TLN2: variants seen among roughly 807,000 people sequenced by gnomAD.
TLN2 encodes the protein talin 2.
TLN2 carries 118 observed loss-of-function variants against 294.7 expected under a neutral mutation model. The observed-to-expected ratio is 0.40, with a 90% CI of 0.34 to 0.47. The LOEUF is 0.47. TLN2 is among the 20% of genes least tolerant of loss of function. The pLI, the probability that TLN2 is intolerant of heterozygous loss-of-function variation, is 0.84. For missense variants in TLN2, 3,083 were observed against 3,282.2 expected, an observed-to-expected ratio of 0.94 and a Z score of 1.48; for synonymous variants, 1,431 against 1,304.5, an observed-to-expected ratio of 1.10 and a Z score of -2.09.
intron 57 of TLN2, among the ~76,000 whole-genome samples, chr15:62,837,138 A>T (rs188529355): frequency 1.3e-5 from 2 of 152,334 alleles, no homozygotes; most frequent in East Asian, 3.9e-4. Context: ...AAATGGCAGA[A>T]ATCTCAGAAT....
chr15:62,399,276 A>AAAAAAAAAAAAAAG, intron 1 of TLN2, among the ~76,000 whole-genome samples: 2 of 150,930 alleles, frequency 1.3e-5, no homozygotes, highest in South Asian at 2.1e-4. Flanking sequence ...AAAAAAAAAA[A>AAAAAAAAAAAAAAG]AAAAAAAAAG....
chr15:62,667,159 G>T lies in TLN2; in HGVS notation c.789-6668G>T, dbSNP rs1010756413. Among the ~76,000 whole-genome samples the T allele has an allele frequency of 7.2e-5, 11 of 152,014 alleles. No individual in the cohort carries two copies. In the South Asian group the frequency reaches 8.3e-4, roughly 11 times the overall value. On this transcript the variant is annotated intron_variant, in intron 9 of 58. Coordinates refer to ENST00000636159, the MANE Select transcript of TLN2 (RefSeq NM_015059.3). ...TTTTTGTATTTTTTAGTAGAGACGG[G>T]GTTTCACCATGTTAGCCAGGATGGT...
chr15:62,703,619 A>G (rs972114441), intron 19 of TLN2, among the ~76,000 whole-genome samples: 90 of 106,974 alleles, frequency 8.4e-4, no homozygotes, highest in South Asian at 2.9e-3. Flanking sequence ...ACACACACAC[A>G]CACGCGCGCA....
chr15:62,659,916 C>T (rs1204170078), intron 9 of TLN2, among the ~76,000 whole-genome samples: 1 of 152,192 alleles, frequency 6.6e-6, no homozygotes, highest in East Asian at 1.9e-4. Flanking sequence ...AGCGAGGCCA[C>T]ATTTTGCTGA....
At chr15:62,559,356 T>C (rs553544836) in intron 1 of TLN2, among the ~76,000 whole-genome samples, 3 of 152,188 alleles carry the variant, frequency 2.0e-5, no homozygotes, top group Non-Finnish European at 2.9e-5. Flanking sequence ...AGAGGAATTG[T>C]GGTAAGGAAG....
At chr15:62,710,485 G>GT (rs1687984374) in intron 21 of TLN2, among the ~76,000 whole-genome samples, 1 of 152,080 alleles carries the variant, frequency 6.6e-6, no homozygotes, top group Non-Finnish European at 1.5e-5. Context: ...TGAATTTGTT[G>GT]TTGTTTGTTT....
chr15:62,628,997 G>A (rs1015279619), intron 3 of TLN2, among the ~76,000 whole-genome samples: 2 of 152,174 alleles, frequency 1.3e-5, no homozygotes, highest in African/African-American at 2.4e-5. Flanking sequence ...AGGAGTTTGC[G>A]ACCAGCCTGG....
intron 45 of TLN2, among the ~76,000 whole-genome samples, chr15:62,787,610 C>G (rs777933683): frequency 6.6e-6 from 1 of 151,368 alleles, no homozygotes; most frequent in African/African-American, 2.4e-5. Flanking sequence ...ACTGGTAGTT[C>G]GTTGGATCAC....
intron 1 of TLN2, among the ~76,000 whole-genome samples, chr15:62,450,575 CTGTG>C (rs1014388992): frequency 7.1e-5 from 7 of 97,960 alleles, no homozygotes; most frequent in Non-Finnish European, 1.6e-4. Context: ...GTGTGTGTGT[CTGTG>C]TGTGTGTGTG....
At chr15:62,473,631 T>C (rs997916125) in intron 1 of TLN2, among the ~76,000 whole-genome samples, 2 of 152,216 alleles carry the variant, frequency 1.3e-5, no homozygotes, top group African/African-American at 4.8e-5. Flanking sequence ...TACTGAAAAC[T>C]ATTAAGTGAA....
chr15:62,607,594 T>C (rs2047559794), intron 2 of TLN2, among the ~76,000 whole-genome samples: 1 of 152,204 alleles, frequency 6.6e-6, no homozygotes, highest in Admixed American at 6.5e-5. Flanking sequence ...TCCAAAAGGA[T>C]CCCTCCTTTC....
chr15:62,538,187 C>T (rs2041470983), intron 1 of TLN2, among the ~76,000 whole-genome samples: 1 of 152,076 alleles, frequency 6.6e-6, no homozygotes, highest in African/African-American at 2.4e-5. Flanking sequence ...CGCCACTGCA[C>T]TCCAGAGCCT....
At chr15:62,397,988 G>A (rs2032695997) in intron 1 of TLN2, among the ~76,000 whole-genome samples, 1 of 152,126 alleles carries the variant, frequency 6.6e-6, no homozygotes, top group East Asian at 1.9e-4. Flanking sequence ...AGAACCACTG[G>A]TTTAGAGGAA....
At position 62,753,935 on chromosome 15, in the gene TLN2, G is replaced by A. The variant is rs1275354911; in HGVS notation, c.4476+19G>A. 2.6e-6 allele frequency: 4 copies of A among 1,562,206 alleles called. No homozygotes were observed. Among genetic ancestry groups the A allele is most frequent in the Non-Finnish European group, 3.5e-6 (4 of 1,152,602 alleles). On this transcript the variant is annotated intron_variant, in intron 36 of 58. Transcript: ENST00000636159. ...ATCACAGGTAACTGTTGGGGAGGAT[G>A]TAAGATTTCAAGCCCTTAAGCAGCT... is the stretch of plus-strand genomic sequence containing the variant.
chr15:62,776,651 G>A (rs899769523), intron 42 of TLN2, 113 bp from the exon 43 acceptor site: 37 of 1,017,186 alleles, frequency 3.6e-5, no homozygotes, highest in South Asian at 1.9e-4. Context: ...AGAATAGATC[G>A]CTGTGCTCCA....
chr15:62,784,184 C>G (rs1259392761), intron 45 of TLN2: 1 of 419,698 alleles, frequency 2.4e-6, no homozygotes, highest in Non-Finnish European at 4.2e-6. Flanking sequence ...TGTCACCTGT[C>G]TCTTTTAGCA....
intron 33 of TLN2, among the ~76,000 whole-genome samples, chr15:62,749,577 T>G (rs984600698): frequency 1.3e-5 from 2 of 152,238 alleles, no homozygotes; most frequent in African/African-American, 2.4e-5. Context: ...CCCTCCCATC[T>G]TTAACAGCTC....
intron 55 of TLN2, 47 bp downstream of exon 55, chr15:62,833,676 C>T: frequency 1.3e-6 from 2 of 1,586,224 alleles, no homozygotes; most frequent in South Asian, 1.1e-5. Context: ...CGTACGAGAG[C>T]CTCAGGGGGC....
chr15:62,566,977 A>G (rs2043455252), intron 1 of TLN2, among the ~76,000 whole-genome samples: 1 of 152,226 alleles, frequency 6.6e-6, no homozygotes, highest in Admixed American at 6.5e-5. Context: ...CTCTCAGGAA[A>G]AAATTTGTAT....
Sources: gnomAD v4.1 joint callset for allele counts (sites outside exome capture counted in the v4.1 genomes callset) on GRCh38, gnomAD v4.1.1 for gene constraint, MANE v1.5 for transcripts, NCBI Gene and HGNC (gene_info 2026-07-23, HGNC 2026-07-21) for gene names.